Variants in GLDC observed in about 807,000 individuals in gnomAD.
GLDC encodes glycine dehydrogenase (decarboxylating), mitochondrial.
Under a neutral mutation model 121.3 loss-of-function variants are expected in GLDC, and 104 were observed. That is an observed-to-expected ratio of 0.86 (90% CI 0.73 to 1.01). The LOEUF is 1.01. GLDC is among the 50% of genes least tolerant of loss of function. The probability of loss-of-function intolerance (pLI) is 0.00; values close to 1 mark genes in which losing one functional copy is unlikely to be tolerated. For missense variants in GLDC, 1,429 were observed against 1,306.6 expected, an observed-to-expected ratio of 1.09 and a Z score of -1.44; for synonymous variants, 546 against 480.6, an observed-to-expected ratio of 1.14 and a Z score of -1.78.
At chr9:6,595,478 G>T (rs1818473575) in intron 8 of GLDC, among the ~76,000 whole-genome samples, 1 of 152,154 alleles carries the variant, frequency 6.6e-6, no homozygotes, top group Non-Finnish European at 1.5e-5. Context: ...ACCTCAGGGA[G>T]AAAAAGTGAG....
At chr9:6,578,297 T>A (rs1244801613) in intron 15 of GLDC, among the ~76,000 whole-genome samples, 2 of 151,778 alleles carry the variant, frequency 1.3e-5, no homozygotes, top group Non-Finnish European at 2.9e-5. Context: ...TTTTTTAATT[T>A]GTACAAAGAG....
intron 15 of GLDC, among the ~76,000 whole-genome samples, chr9:6,566,771 C>T (rs1404215274): frequency 6.6e-6 from 1 of 152,098 alleles, no homozygotes; most frequent in Non-Finnish European, 1.5e-5. Flanking sequence ...AAAAAAGATA[C>T]AAAAATTTAA....
chr9:6,553,871 C>T (rs1449972653), intron 19 of GLDC, among the ~76,000 whole-genome samples: 7 of 152,140 alleles, frequency 4.6e-5, no homozygotes, highest in Non-Finnish European at 1.5e-5. Context: ...TGAGAAGATG[C>T]CCCATGGGCT....
At chr9:6,624,529 G>T (rs539990173) in intron 2 of GLDC, among the ~76,000 whole-genome samples, 2 of 152,176 alleles carry the variant, frequency 1.3e-5, no homozygotes, top group African/African-American at 4.8e-5. Context: ...CCAACATCTT[G>T]ATTTCTGACT....
intron 15 of GLDC, among the ~76,000 whole-genome samples, chr9:6,576,098 A>T (rs545245440): frequency 5.3e-5 from 8 of 152,218 alleles, no homozygotes; most frequent in African/African-American, 1.9e-4. Context: ...GCTTGGCTAC[A>T]TCAAGCAAAG....
intron 11 of GLDC, among the ~76,000 whole-genome samples, chr9:6,589,686 C>G (rs982450096): frequency 7.2e-5 from 11 of 152,122 alleles, no homozygotes; most frequent in Non-Finnish European, 1.3e-4. Flanking sequence ...CTTGGCTTCC[C>G]AAAGTGCTGG....
In GLDC at chr9:6,608,769, T is replaced by TAATA. The variant is rs1183757329; in HGVS notation, c.635+1419_635+1422dup. 3.3e-3 allele frequency among the ~76,000 whole-genome samples: 498 copies of TAATA among 151,222 alleles called. 7 individuals carry two copies. The highest frequency in any genetic ancestry group is 0.011 in the African/African-American group (467 of 41,278). On this transcript the variant is annotated intron_variant, in intron 4 of 24. Coordinates refer to ENST00000321612, the MANE Select transcript of GLDC (RefSeq NM_000170.3). ...TCAAATAAATAAATAAATTAATAAATAATAAATAAATAAATGAAATAAGAT... is the reference window on the plus strand; with the variant it reads ...TCAAATAAATAAATAAATTAATAAATAATAAATAAATAAATAAATGAAATAAGAT...
At chr9:6,632,991 C>T (rs1388287114) in intron 2 of GLDC, among the ~76,000 whole-genome samples, 2 of 151,916 alleles carry the variant, frequency 1.3e-5, no homozygotes, top group South Asian at 2.1e-4. Flanking sequence ...CCCTGCAGAC[C>T]GATCAAGGGT....
intron 2 of GLDC, among the ~76,000 whole-genome samples, chr9:6,633,240 T>A (rs1025722): frequency 6.6e-6 from 1 of 151,934 alleles, no homozygotes. Context: ...CTTCTGCCTC[T>A]GATGACTTCA....
At chr9:6,591,475 A>C (rs1307329080) in intron 11 of GLDC, among the ~76,000 whole-genome samples, 2 of 152,234 alleles carry the variant, frequency 1.3e-5, no homozygotes. Flanking sequence ...ATAGCACCTG[A>C]CACATATTGG....
At chr9:6,560,178 G>A (rs371207423) in intron 16 of GLDC, among the ~76,000 whole-genome samples, 207 of 152,260 alleles carry the variant, frequency 1.4e-3, no homozygotes, top group Non-Finnish European at 2.2e-3. Context: ...CCAACAAAAA[G>A]CATCAAGGAG....
chr9:6,592,412 C>A (rs1290507596), intron 10 of GLDC, among the ~76,000 whole-genome samples, 189 bp from the exon 11 acceptor site: 1 of 152,204 alleles, frequency 6.6e-6, no homozygotes, highest in Non-Finnish European at 1.5e-5. Flanking sequence ...CACAAGGCTT[C>A]GAGTTTTGCC....
chr9:6,537,692 G>A (rs1301368971), intron 22 of GLDC, among the ~76,000 whole-genome samples: 3 of 152,086 alleles, frequency 2.0e-5, no homozygotes, highest in Middle Eastern at 3.4e-3. Flanking sequence ...GAGGTGGGAG[G>A]ATCACTTGAA....
intron 9 of GLDC, among the ~76,000 whole-genome samples, chr9:6,594,716 C>A (rs112857620): frequency 6.7e-6 from 1 of 149,598 alleles, no homozygotes; most frequent in Non-Finnish European, 1.5e-5. Flanking sequence ...AGCAAGCAAG[C>A]AAGCAAGCAA....
intron 19 of GLDC, 54 bp from the exon 20 acceptor site, chr9:6,553,563 A>C: frequency 6.4e-7 from 1 of 1,572,020 alleles, no homozygotes; most frequent in Non-Finnish European, 8.8e-7. Flanking sequence ...AGTTTAATCT[A>C]ATGGGAAGGT....
At chr9:6,600,976 C>T (rs1017059515) in intron 8 of GLDC, among the ~76,000 whole-genome samples, 1 of 152,112 alleles carries the variant, frequency 6.6e-6, no homozygotes, top group Non-Finnish European at 1.5e-5. Context: ...AGTTCAAGAC[C>T]AACCTGGCCA....
In GLDC at chr9:6,558,566, T is replaced by A. The variant is rs1305077560; in HGVS notation, c.2045A>T (p.Lys682Met). 6.2e-7 allele frequency: 1 copy of A among 1,614,230 alleles called. No homozygotes were observed. Among genetic ancestry groups the A allele is most frequent in the South Asian group, 1.1e-5 (1 of 91,080 alleles). ...TAAGGAGAAGACAAGTACCATGGCC[T>A]TGAGGTGAACTGCATCGATATTCCC... Reference protein sequence around the residue: ...KYGNIDAVHLKAMVDKHKENL... With the variant: ...KYGNIDAVHLMAMVDKHKENL... The change falls in exon 17 of 25, where the codon AAG becomes ATG. Residue 682 changes from lysine (K) to methionine (M), a missense_variant. By Grantham distance (95) the Lys-to-Met change is moderately conservative. Transcript: ENST00000321612.
chr9:6,583,807 A>G (rs1818215586), intron 15 of GLDC, among the ~76,000 whole-genome samples: 1 of 152,228 alleles, frequency 6.6e-6, no homozygotes, highest in African/African-American at 2.4e-5. Context: ...GAGGTTCCTA[A>G]AGTAGTCAAA....
At chr9:6,540,580 C>T (rs376309249) in intron 21 of GLDC, 1 of 196,474 alleles carries the variant, frequency 5.1e-6, no homozygotes, top group Non-Finnish European at 1.1e-5. Flanking sequence ...TTACCCTCAA[C>T]ATCAAATAAT....
Sources: allele counts gnomAD v4.1 joint callset (sites outside exome capture counted in the v4.1 genomes callset), GRCh38; gene constraint gnomAD v4.1.1; transcripts MANE v1.5; gene names NCBI Gene and HGNC (gene_info 2026-07-23, HGNC 2026-07-21).